Variants in OPCML observed in about 807,000 individuals in gnomAD.
The protein encoded by OPCML is opioid binding protein/cell adhesion molecule like, also known as opioid-binding protein/cell adhesion molecule.
OPCML carries 13 observed loss-of-function variants against 37.8 expected under a neutral mutation model. The ratio of observed to expected loss-of-function variants is 0.34; its 90% CI spans 0.22 to 0.55. The LOEUF (loss-of-function observed/expected upper bound fraction) is 0.55. OPCML is among the 20% of genes least tolerant of loss of function. The pLI is 0.91. For missense variants in OPCML, 341 were observed against 435.6 expected (o/e 0.78, Z 1.93); for synonymous variants, 176 against 168.8 (o/e 1.04, Z -0.33).
intron 1 of OPCML, chr11:133,068,102 A>G (rs987419626): frequency 6.6e-6 from 1 of 152,188 alleles, no homozygotes; most frequent in Admixed American, 6.5e-5. Flanking sequence ...TTGATCTAAT[A>G]AACGTATTTA....
intron 2 of OPCML, among the ~76,000 whole-genome samples, chr11:132,682,879 C>T (rs1943013085): frequency 4.6e-5 from 7 of 152,336 alleles, no homozygotes; most frequent in Admixed American, 3.3e-4. Context: ...AGGTCTTTCA[C>T]GCTCTCACTT....
intron 1 of OPCML, among the ~76,000 whole-genome samples, chr11:133,289,573 C>G (rs868854081): frequency 1.6e-5 from 2 of 123,144 alleles, no homozygotes. Flanking sequence ...CCAGCCTGGG[C>G]GACAGAGCGA....
chr11:132,918,063 T>C (rs1944666086), intron 2 of OPCML, among the ~76,000 whole-genome samples: 1 of 152,236 alleles, frequency 6.6e-6, no homozygotes, highest in South Asian at 2.1e-4. Context: ...ATGTCACTGG[T>C]GTTGGAAATT....
chr11:133,226,354 T>C (rs1385448883), intron 1 of OPCML, among the ~76,000 whole-genome samples: 3 of 152,198 alleles, frequency 2.0e-5, no homozygotes, highest in Non-Finnish European at 4.4e-5. Context: ...TTTTGGGGGG[T>C]TAGGGGTGTT....
At chr11:133,347,826 C>G (rs1592221997) in intron 1 of OPCML, among the ~76,000 whole-genome samples, 1 of 152,016 alleles carries the variant, frequency 6.6e-6, no homozygotes, top group Admixed American at 6.6e-5. Context: ...AAGGATGAGA[C>G]AAGAAAGAAT....
intron 1 of OPCML, among the ~76,000 whole-genome samples, chr11:133,113,331 CTT>C (rs547477897): frequency 1.8e-3 from 280 of 152,298 alleles, no homozygotes; most frequent in East Asian, 9.6e-4. Flanking sequence ...TTAAAAGACT[CTT>C]TTCAATCAAT....
At position 133,125,985 on chromosome 11, in the gene OPCML, C is replaced by T. The variant is rs370789675; in HGVS notation, c.62-182975G>A. ...GTATATATATACATGTATATATAGA[C>T]ACACGTATATATACATGTATAGACA... is the stretch of plus-strand genomic sequence containing the variant. On this transcript the variant is annotated intron_variant, in intron 1 of 7. Coordinates refer to ENST00000524381, the MANE Select transcript of OPCML (RefSeq NM_001012393.5). Among the ~76,000 whole-genome samples, 4 of 147,914 alleles carry T rather than the reference C, an allele frequency of 2.7e-5. No homozygotes were observed. In the East Asian group the frequency reaches 8.0e-4, roughly 30 times the overall value.
At chr11:132,747,141 G>A (rs1353178393) in intron 2 of OPCML, among the ~76,000 whole-genome samples, 1 of 152,138 alleles carries the variant, frequency 6.6e-6, no homozygotes, top group African/African-American at 2.4e-5. Flanking sequence ...AACAGATTAT[G>A]ACAAAGTTCC....
At chr11:133,127,318 A>C (rs1949531830) in intron 1 of OPCML, among the ~76,000 whole-genome samples, 2 of 152,124 alleles carry the variant, frequency 1.3e-5, no homozygotes. Flanking sequence ...GGGTCATTTG[A>C]AGGAGAAAAT....
At chr11:133,256,854 C>T (rs1212727065) in intron 1 of OPCML, among the ~76,000 whole-genome samples, 2 of 152,214 alleles carry the variant, frequency 1.3e-5, no homozygotes, top group Non-Finnish European at 2.9e-5. Context: ...ATTCTCCAAA[C>T]ATTTATTGTG....
intron 1 of OPCML, among the ~76,000 whole-genome samples, chr11:133,514,989 T>C (rs1272846673): frequency 6.6e-6 from 1 of 152,192 alleles, no homozygotes; most frequent in Non-Finnish European, 1.5e-5. Flanking sequence ...AACCCTACTA[T>C]TATACCCAAT....
intron 2 of OPCML, among the ~76,000 whole-genome samples, chr11:132,666,500 G>A (rs1942229479): frequency 6.6e-6 from 1 of 152,184 alleles, no homozygotes; most frequent in East Asian, 1.9e-4. Flanking sequence ...ATTTCTAGAT[G>A]AGGTTTGGAG....
At chr11:132,731,073 G>A (rs1285414772) in intron 2 of OPCML, among the ~76,000 whole-genome samples, 1 of 152,202 alleles carries the variant, frequency 6.6e-6, no homozygotes, top group African/African-American at 2.4e-5. Flanking sequence ...ATAATGAAAT[G>A]TTCCATCAAC....
In OPCML at chr11:133,052,621, G is replaced by A. The variant is rs148141233; in HGVS notation, c.62-109611C>T. 6.6e-5 allele frequency among the ~76,000 whole-genome samples: 10 copies of A among 152,318 alleles called. No homozygotes were observed. In the East Asian group the frequency reaches 1.9e-3, roughly 29 times the overall value. On this transcript the variant is annotated intron_variant, in intron 1 of 7. Coordinates refer to ENST00000524381, the MANE Select transcript of OPCML (RefSeq NM_001012393.5). The stretch of plus-strand genomic sequence containing the variant: ...CCTCTATGTCCAGATCAGTTCTGCT[G>A]GCTCTGGAGCCAGGCATGTGGGCCA...
At chr11:132,635,933 T>C (rs1273486533) in intron 3 of OPCML, among the ~76,000 whole-genome samples, 1 of 152,076 alleles carries the variant, frequency 6.6e-6, no homozygotes, top group East Asian at 1.9e-4. Context: ...AAAGCTGAAA[T>C]AGTAAATTTA....
intron 4 of OPCML, among the ~76,000 whole-genome samples, chr11:132,501,032 T>C (rs2096244410): frequency 6.6e-6 from 1 of 152,238 alleles, no homozygotes; most frequent in South Asian, 2.1e-4. Context: ...CATGTGTCTT[T>C]ATAGTAGAAT....
intron 4 of OPCML, among the ~76,000 whole-genome samples, chr11:132,475,454 C>T (rs1194624552): frequency 6.6e-6 from 1 of 152,098 alleles, no homozygotes; most frequent in Non-Finnish European, 1.5e-5. Flanking sequence ...GAGACAGGGT[C>T]TTTAAGGGGG....
At chr11:133,112,118 T>C (rs548604011) in intron 1 of OPCML, among the ~76,000 whole-genome samples, 1 of 152,106 alleles carries the variant, frequency 6.6e-6, no homozygotes, top group Non-Finnish European at 1.5e-5. Flanking sequence ...TTATCCTACT[T>C]TGGATATGGT....
chr11:133,474,851 G>A (rs544573250), intron 1 of OPCML, among the ~76,000 whole-genome samples: 18 of 152,334 alleles, frequency 1.2e-4, no homozygotes, highest in African/African-American at 4.3e-4. Context: ...ACTGGCCTTT[G>A]AGTGCACACA....
Sources: allele counts gnomAD v4.1 joint callset (sites outside exome capture counted in the v4.1 genomes callset), GRCh38; gene constraint gnomAD v4.1.1; transcripts MANE v1.5; gene names NCBI Gene and HGNC (gene_info 2026-07-23, HGNC 2026-07-21).